Variants in CACNA2D3 observed in about 807,000 individuals in gnomAD.
CACNA2D3 encodes the protein calcium voltage-gated channel auxiliary subunit alpha2delta 3, also known as voltage-dependent calcium channel subunit alpha-2/delta-3.
Under a neutral mutation model 160.6 loss-of-function variants are expected in CACNA2D3, and 60 were observed. The ratio of observed to expected loss-of-function variants is 0.37; its 90% CI spans 0.30 to 0.46. The LOEUF is 0.46. CACNA2D3 is among the 20% of genes least tolerant of loss of function. CACNA2D3 has a pLI of 1.00. For synonymous variants in CACNA2D3, 558 were observed against 492.9 expected (o/e 1.13, Z -1.75); for missense variants, 1,205 against 1,365.0 (o/e 0.88, Z 1.85).
intron 3 of CACNA2D3, 90 bp from the exon 4 acceptor site, chr3:54,386,620 GATATA>G: frequency 8.8e-7 from 1 of 1,137,698 alleles, no homozygotes; most frequent in Non-Finnish European, 1.2e-6. Flanking sequence ...TATGAACCAC[GATATA>G]ATATGTCACT....
chr3:54,327,925 G>C (rs1054676948), intron 3 of CACNA2D3, among the ~76,000 whole-genome samples: 1 of 152,148 alleles, frequency 6.6e-6, no homozygotes, highest in African/African-American at 2.4e-5. Flanking sequence ...AATGAATATA[G>C]ATTTCTATTA....
At chr3:54,340,922 G>C (rs376901384) in intron 3 of CACNA2D3, among the ~76,000 whole-genome samples, 18 of 152,100 alleles carry the variant, frequency 1.2e-4, no homozygotes, top group African/African-American at 4.3e-4. Flanking sequence ...GAGCTGCTCT[G>C]GTCTCGTCAC....
At chr3:55,040,424 G>A (rs1290710631) in intron 35 of CACNA2D3, among the ~76,000 whole-genome samples, 1 of 152,060 alleles carries the variant, frequency 6.6e-6, no homozygotes, top group Admixed American at 6.6e-5. Context: ...CAATATTGTT[G>A]CTAAAAGTAG....
chr3:54,846,625 T>C (rs1698938388), intron 17 of CACNA2D3, among the ~76,000 whole-genome samples, 158 bp downstream of exon 17: 1 of 152,260 alleles, frequency 6.6e-6, no homozygotes, highest in Admixed American at 6.5e-5. Flanking sequence ...AACTGGTATT[T>C]GGACACATAA....
intron 11 of CACNA2D3, among the ~76,000 whole-genome samples, chr3:54,740,096 G>A (rs1224171999): frequency 1.3e-5 from 2 of 151,972 alleles, no homozygotes; most frequent in Admixed American, 1.3e-4. Context: ...ACACAAGTCA[G>A]TTGTCAGCAG....
intron 3 of CACNA2D3, among the ~76,000 whole-genome samples, chr3:54,381,483 A>G (rs922658465): frequency 1.3e-5 from 2 of 152,214 alleles, no homozygotes; most frequent in African/African-American, 4.8e-5. Flanking sequence ...AGGAACAAAA[A>G]CATAAAATAC....
At chr3:54,899,748 A>T (rs762617734) in intron 26 of CACNA2D3, 40 bp from the exon 27 acceptor site, 18 of 1,393,228 alleles carry the variant, frequency 1.3e-5, no homozygotes, top group Admixed American at 5.5e-5. Flanking sequence ...GTACACTGTA[A>T]TTATCTTCAT....
intron 30 of CACNA2D3, among the ~76,000 whole-genome samples, chr3:54,986,022 A>G (rs1702605230): frequency 6.6e-6 from 1 of 152,180 alleles, no homozygotes; most frequent in South Asian, 2.1e-4. Flanking sequence ...GCCTATAGTT[A>G]TATGCCCTGT....
At chr3:54,862,189 G>T (rs957197198) in intron 17 of CACNA2D3, among the ~76,000 whole-genome samples, 6 of 152,238 alleles carry the variant, frequency 3.9e-5, no homozygotes, top group South Asian at 2.1e-4. Context: ...TGCAGAAGAA[G>T]GGCCACCCCA....
intron 13 of CACNA2D3, among the ~76,000 whole-genome samples, chr3:54,812,634 T>C (rs1186912306): frequency 6.6e-6 from 1 of 152,188 alleles, no homozygotes; most frequent in Non-Finnish European, 1.5e-5. Flanking sequence ...TGCTTTCTCT[T>C]CTGGGTGATG....
At chr3:54,131,335 C>T (rs1337137699) in intron 2 of CACNA2D3, among the ~76,000 whole-genome samples, 1 of 152,198 alleles carries the variant, frequency 6.6e-6, no homozygotes, top group African/African-American at 2.4e-5. Context: ...CAGCTCCCTT[C>T]TCCCTGAGCA....
intron 2 of CACNA2D3, among the ~76,000 whole-genome samples, chr3:54,133,691 G>T (rs112241844): frequency 2.0e-5 from 3 of 152,350 alleles, no homozygotes; most frequent in African/African-American, 7.2e-5. Context: ...AACTGATGCT[G>T]CTTATCTTTT....
intron 25 of CACNA2D3, among the ~76,000 whole-genome samples, chr3:54,895,331 G>A (rs1700163536): frequency 1.3e-5 from 2 of 152,166 alleles, no homozygotes; most frequent in South Asian, 4.1e-4. Flanking sequence ...GAAATATTGG[G>A]AGGAGGAAGG....
chr3:54,523,062 T>A (rs537983004), intron 5 of CACNA2D3, among the ~76,000 whole-genome samples: 1 of 152,256 alleles, frequency 6.6e-6, no homozygotes, highest in African/African-American at 2.4e-5. Context: ...TTCATTGTTT[T>A]GATGGCCTTT....
chr3:54,796,375 A>C (rs1368650385), intron 13 of CACNA2D3, among the ~76,000 whole-genome samples: 1 of 152,126 alleles, frequency 6.6e-6, no homozygotes, highest in Non-Finnish European at 1.5e-5. Context: ...CCTTGGAGTA[A>C]GCACTCAGCT....
chr3:54,311,798 C>T (rs1043286733), intron 2 of CACNA2D3, among the ~76,000 whole-genome samples: 1 of 152,166 alleles, frequency 6.6e-6, no homozygotes, highest in Non-Finnish European at 1.5e-5. Context: ...ACATGGTAAA[C>T]CATTTGTAAA....
At chr3:54,687,176 T>C (rs972502785) in intron 11 of CACNA2D3, among the ~76,000 whole-genome samples, 3 of 138,438 alleles carry the variant, frequency 2.2e-5, no homozygotes, top group Admixed American at 8.4e-5. Flanking sequence ...GGCCTCACCC[T>C]GTCACCCAGG....
intron 14 of CACNA2D3, among the ~76,000 whole-genome samples, chr3:54,817,114 A>G (rs1042584089): frequency 1.3e-5 from 2 of 152,164 alleles, no homozygotes; most frequent in Non-Finnish European, 2.9e-5. Context: ...TCTGTGCCCA[A>G]CTGTTTCTCT....
chr3:54,879,627 C>A (rs930558030), intron 20 of CACNA2D3, among the ~76,000 whole-genome samples: 1 of 152,212 alleles, frequency 6.6e-6, no homozygotes, highest in Non-Finnish European at 1.5e-5. Context: ...CTCAATCTGC[C>A]ATGGCTTTGC....
Sources: gnomAD v4.1 joint callset for allele counts (sites outside exome capture counted in the v4.1 genomes callset) on GRCh38, gnomAD v4.1.1 for gene constraint, MANE v1.5 for transcripts, NCBI Gene and HGNC (gene_info 2026-07-23, HGNC 2026-07-21) for gene names.